ACAP2: variants seen among roughly 807,000 people sequenced by gnomAD.
The protein encoded by ACAP2 is arf-GAP with coiled-coil, ANK repeat and PH domain-containing protein 2.
In ACAP2, 39 loss-of-function variants were observed where a neutral mutation model predicts 115.8. The observed-to-expected ratio is 0.34, with a 90% confidence interval of 0.26 to 0.44. ACAP2 has a LOEUF of 0.44. ACAP2 is among the 20% of genes least tolerant of loss of function. ACAP2 has a pLI of 1.00. For synonymous variants in ACAP2, 289 were observed against 315.8 expected (o/e 0.92, Z 0.90); for missense variants, 662 against 927.6 (o/e 0.71, Z 3.72).
chr3:195,436,718 G>C (rs996880557), intron 1 of ACAP2, among the ~76,000 whole-genome samples: 2 of 152,222 alleles, frequency 1.3e-5, no homozygotes, highest in African/African-American at 2.4e-5. Context: ...GTACTGTAAA[G>C]ACTAAATATG....
intron 13 of ACAP2, among the ~76,000 whole-genome samples, chr3:195,305,038 T>C (rs1195382915): frequency 6.6e-6 from 1 of 152,226 alleles, no homozygotes; most frequent in Non-Finnish European, 1.5e-5. Flanking sequence ...AAGCTCCCTG[T>C]GTGGTGACAT....
At chr3:195,331,594 T>C (rs1024914470) in intron 8 of ACAP2, among the ~76,000 whole-genome samples, 1 of 151,990 alleles carries the variant, frequency 6.6e-6, no homozygotes, top group African/African-American at 2.4e-5. Context: ...ATTACAGGCA[T>C]GAGCCACCAT....
chr3:195,372,904 C>A (rs1213063404), intron 4 of ACAP2, among the ~76,000 whole-genome samples: 1 of 144,634 alleles, frequency 6.9e-6, no homozygotes, highest in Non-Finnish European at 1.5e-5. Flanking sequence ...TAATAAACAG[C>A]ATGAACCCGG....
intron 4 of ACAP2, among the ~76,000 whole-genome samples, chr3:195,354,844 A>G (rs966453069): frequency 1.3e-5 from 2 of 152,218 alleles, no homozygotes; most frequent in Non-Finnish European, 2.9e-5. Flanking sequence ...ATGAAATTAG[A>G]TGTCAGTAAT....
At chr3:195,378,089 AG>A (rs1560304667) in intron 4 of ACAP2, among the ~76,000 whole-genome samples, 2 of 148,986 alleles carry the variant, frequency 1.3e-5, no homozygotes, top group African/African-American at 5.1e-5. Flanking sequence ...GGAGGAAGGG[AG>A]GAGGAGGAAG....
intron 4 of ACAP2, among the ~76,000 whole-genome samples, chr3:195,353,938 AG>A (rs1298794005): frequency 2.0e-4 from 31 of 152,290 alleles, no homozygotes; most frequent in African/African-American, 7.5e-4. Flanking sequence ...TTCATCACCC[AG>A]GTATTACACC....
intron 1 of ACAP2, among the ~76,000 whole-genome samples, chr3:195,427,306 CTG>C (rs1714756572): frequency 6.6e-6 from 1 of 152,222 alleles, no homozygotes; most frequent in Admixed American, 6.5e-5. Flanking sequence ...TGTATCAAAA[CTG>C]TGATCTCCAG....
chr3:195,328,933 A>T (rs528069692), intron 8 of ACAP2, among the ~76,000 whole-genome samples: 1 of 152,270 alleles, frequency 6.6e-6, no homozygotes, highest in Non-Finnish European at 1.5e-5. Flanking sequence ...CAAAACAATT[A>T]GCCGGGCGTG....
chr3:195,412,769 A>C (rs1713394469), intron 1 of ACAP2: 1 of 351,166 alleles, frequency 2.8e-6, no homozygotes. Flanking sequence ...AATAAGTAGT[A>C]ATTTAAAAAA....
At chr3:195,305,031 C>T (rs1479060861) in intron 13 of ACAP2, among the ~76,000 whole-genome samples, 1 of 152,160 alleles carries the variant, frequency 6.6e-6, no homozygotes, top group African/African-American at 2.4e-5. Context: ...GTTTTTCAAG[C>T]TCCCTGTGTG....
intron 1 of ACAP2, among the ~76,000 whole-genome samples, chr3:195,430,430 G>C (rs936647185): frequency 1.3e-5 from 2 of 152,102 alleles, no homozygotes; most frequent in African/African-American, 4.8e-5. Context: ...ATCATATGGG[G>C]AGGCCAGGAG....
At position 195,382,879 on chromosome 3, in the gene ACAP2, GA is replaced by G. The variant is rs112190227; in HGVS notation, c.112-858del. ...AACTACTATGACAAAACTATGCATGGAAAAAAAAAAAAAAGGAAGACCATCT... is the reference window on the plus strand; with the variant it reads ...AACTACTATGACAAAACTATGCATGGAAAAAAAAAAAAAGGAAGACCATCT... On this transcript the variant is annotated intron_variant, in intron 2 of 22. Transcript: ENST00000326793. 5.7e-3 allele frequency among the ~76,000 whole-genome samples: 785 copies of G among 136,788 alleles called. 4 individuals carry two copies. Among genetic ancestry groups the G allele is most frequent in the African/African-American group, 6.4e-3 (240 of 37,600 alleles). 89.7% of individuals were successfully genotyped at this position (136,788 alleles called of 152,430 possible).
rs577234545 is a variant in ACAP2 at position 195,337,118 on chromosome 3, A to G, written c.529-142T>C. 31 of 687,600 alleles carry G rather than the reference A, an allele frequency of 4.5e-5. 1 individual carries two copies. In the South Asian group the frequency reaches 5.4e-4, roughly 12 times the overall value. 42.6% of individuals were successfully genotyped at this position (687,600 alleles called of 1,614,324 possible). A position where few individuals can be genotyped will look rare whatever the true frequency, so the allele number is the denominator to read the frequency against. ...AAAGCTCAAGCTTTTTCATCCTTCA[A>G]CTATCCTTTTGCAAAACACAGTTAA... On this transcript the variant is annotated intron_variant, in intron 6 of 22. Coordinates refer to ENST00000326793, the MANE Select transcript of ACAP2 (RefSeq NM_012287.6).
In ACAP2 at chr3:195,443,005, G is replaced by T. The variant is rs1047321244; in HGVS notation, c.-158C>A. 2 of 576,722 alleles carry T rather than the reference G, an allele frequency of 3.5e-6. No individual in the cohort carries two copies. Among genetic ancestry groups the T allele is most frequent in the Non-Finnish European group, 5.7e-6 (2 of 351,916 alleles). The allele number at this position is 576,722 out of a possible 1,614,324, so 35.7% of individuals were successfully genotyped here. A position where few individuals can be genotyped will look rare whatever the true frequency, so the allele number is the denominator to read the frequency against. On this transcript the variant is annotated 5_prime_UTR_variant, in exon 1 of 23. Coordinates refer to ENST00000326793, the MANE Select transcript of ACAP2 (RefSeq NM_012287.6). ...CGCTGGTCATAGCAGCCGCGAAGAC[G>T]GCGACGACTAGTCAGGCCCCAGTCC...
At chr3:195,419,166 C>T (rs1713974741) in intron 1 of ACAP2, among the ~76,000 whole-genome samples, 1 of 152,130 alleles carries the variant, frequency 6.6e-6, no homozygotes, top group Non-Finnish European at 1.5e-5. Flanking sequence ...CCCATCACCC[C>T]AGTCTAATTT....
Position 195,302,167 on chromosome 3 carries a change from T to A in ACAP2, c.1124A>T (p.Asp375Val). 6.2e-7 allele frequency: 1 copy of A among 1,610,946 alleles called. No homozygotes were observed. Among genetic ancestry groups the A allele is most frequent in the Non-Finnish European group, 8.5e-7 (1 of 1,179,044 alleles). Residue 375 changes from aspartate (D) to valine (V), a missense_variant, in exon 14 of 23, where the codon GAT (aspartate) becomes GTT (valine). By Grantham distance (152) the Asp-to-Val change is radical. This residue lies in a region of ACAP2 where 401 missense variants were observed against 604.4 expected (regional missense o/e 0.66). Transcript: ENST00000326793. The stretch of plus-strand genomic sequence containing the variant: ...TCCTGTGGATGGAGATGATTTCTTA[T>A]CCAGCTTCTAAAAGAATTAAGAATT... ...REKGDESEKLDKKSSPSTGSL... is the reference protein window; with the variant it reads ...REKGDESEKLVKKSSPSTGSL...
intron 9 of ACAP2, among the ~76,000 whole-genome samples, chr3:195,324,271 G>A (rs1287581691): frequency 6.6e-6 from 1 of 152,020 alleles, no homozygotes; most frequent in African/African-American, 2.4e-5. Context: ...TAGACAAAAA[G>A]ACAGTGAAAC....
intron 15 of ACAP2, among the ~76,000 whole-genome samples, chr3:195,299,973 T>A (rs944383298): frequency 6.6e-6 from 1 of 151,672 alleles, no homozygotes; most frequent in African/African-American, 2.4e-5. Flanking sequence ...TCAAAAAAAA[T>A]TAAAAACATT....
At chr3:195,350,659 A>G (rs1444542572) in intron 4 of ACAP2, among the ~76,000 whole-genome samples, 1 of 151,806 alleles carries the variant, frequency 6.6e-6, no homozygotes, top group Non-Finnish European at 1.5e-5. Context: ...GAAAAAAAAA[A>G]AAAGAAAAAA....
Sources: allele counts gnomAD v4.1 joint callset (sites outside exome capture counted in the v4.1 genomes callset), GRCh38; gene constraint gnomAD v4.1.1; regional missense constraint gnomAD v4.1.1; transcripts MANE v1.5; gene names NCBI Gene and HGNC (gene_info 2026-07-23, HGNC 2026-07-21).